The following TPPP variants were observed in gnomAD, a reference collection of about 807,000 sequenced individuals.
TPPP encodes tubulin polymerization-promoting protein.
A neutral mutation model predicts 15.5 loss-of-function variants in TPPP; 6 were observed. The ratio of observed to expected loss-of-function variants is 0.39; its 90% CI spans 0.21 to 0.77. The LOEUF (loss-of-function observed/expected upper bound fraction) is 0.77. Among genes scored for constraint, TPPP ranks in the 30% least tolerant of loss-of-function variants. TPPP has a pLI of 0.42. For missense variants in TPPP, 269 were observed against 307.2 expected (o/e 0.88, Z 0.93); for synonymous variants, 146 against 133.9 (o/e 1.09, Z -0.63).
the TPPP span, among the ~76,000 whole-genome samples, chr5:700,373 G>C: frequency 1.3e-5 from 2 of 151,956 alleles, no homozygotes; most frequent in Non-Finnish European, 2.9e-5. Context: ...AGTATAAGTG[G>C]GAGCTAAACA....
At chr5:667,870 C>T (rs71585295) in intron 2 of TPPP, among the ~76,000 whole-genome samples, 2 of 68,714 alleles carry the variant, frequency 2.9e-5, no homozygotes, top group African/African-American at 1.9e-4. Context: ...AGGGAAGTAC[C>T]GACAAGCACA....
intron 2 of TPPP, among the ~76,000 whole-genome samples, chr5:668,568 C>T (rs185885601): frequency 1.6e-4 from 25 of 152,344 alleles, no homozygotes; most frequent in South Asian, 2.1e-4. Context: ...GCCGGCACCT[C>T]GAGCTGAGCA....
At chr5:680,249 C>A (rs1189500499) in intron 1 of TPPP, among the ~76,000 whole-genome samples, 1 of 115,234 alleles carries the variant, frequency 8.7e-6, no homozygotes, top group African/African-American at 4.2e-5. Context: ...CGGTGGGGGC[C>A]GTGGGGGAGA....
At chr5:686,747 T>G (rs1740777624) in intron 1 of TPPP, among the ~76,000 whole-genome samples, 2 of 146,594 alleles carry the variant, frequency 1.4e-5, no homozygotes, top group Admixed American at 1.4e-4. Flanking sequence ...GAGAAGAAGG[T>G]GCTACAGGCT....
chr5:680,556 C>T (rs1010093032), intron 1 of TPPP, among the ~76,000 whole-genome samples: 16 of 148,004 alleles, frequency 1.1e-4, no homozygotes, highest in African/African-American at 3.5e-4. Context: ...AGTGAGTCCA[C>T]GGGCGCTTGG....
rs1168674436 is a variant in TPPP, at chr5:662,367, TGCTTGTCTGAG to T, written c.*2724_*2734del. ...GCGCTTGGCTCTTTTCTCGAGGCCG[TGCTTGTCTGAG>T]GCCAACCAGGGACCAGGAGGCAGCG... On this transcript the variant is annotated 3_prime_UTR_variant, in exon 4 of 4. Coordinates refer to ENST00000360578, the MANE Select transcript of TPPP (RefSeq NM_007030.3). 6.6e-6 allele frequency: 1 copy of T among 152,472 alleles called. No individual in the cohort carries two copies. Among genetic ancestry groups the T allele is most frequent in the East Asian group, 1.9e-4 (1 of 5,324 alleles). 9.4% of individuals were successfully genotyped at this position (152,472 alleles called of 1,614,324 possible). A position where few individuals can be genotyped will look rare whatever the true frequency, so the allele number is the denominator to read the frequency against.
chr5:684,118 C>T (rs1489762240), intron 1 of TPPP, among the ~76,000 whole-genome samples: 3 of 152,228 alleles, frequency 2.0e-5, no homozygotes, highest in Non-Finnish European at 4.4e-5. Flanking sequence ...CTCCTGAGGG[C>T]CTGATGGACC....
rs1739741007 is a variant in TPPP at position 663,171 on chromosome 5, G to A, written c.*1931C>T. The A allele has an allele frequency of 8.4e-6, 1 of 119,154 alleles. No homozygotes were observed. Among genetic ancestry groups the A allele is most frequent in the Non-Finnish European group, 2.1e-5 (1 of 47,702 alleles). 7.4% of individuals were successfully genotyped at this position (119,154 alleles called of 1,614,324 possible). A position where few individuals can be genotyped will look rare whatever the true frequency, so the allele number is the denominator to read the frequency against. ...CTGTGATCGGGTGAGTCCGATGACT[G>A]CTCGTCTGTGACCGGGCGATTCCGG... On this transcript the variant is annotated 3_prime_UTR_variant, in exon 4 of 4. Transcript: ENST00000360578.
At chr5:665,410 C>T in intron 3 of TPPP, 114 bp from the exon 4 acceptor site, 1 of 958,116 alleles carries the variant, frequency 1.0e-6, no homozygotes, top group Non-Finnish European at 1.5e-6. Flanking sequence ...GGGCAAGGGG[C>T]ATAAACCCTG....
At chr5:669,328 C>A (rs866424108) in intron 2 of TPPP, among the ~76,000 whole-genome samples, 1 of 152,052 alleles carries the variant, frequency 6.6e-6, no homozygotes, top group Non-Finnish European at 1.5e-5. Context: ...TGGGGGTCCG[C>A]GGTGTTGGGG....
chr5:671,513 C>A lies in TPPP; in HGVS notation c.312-5390G>T, dbSNP rs754472529. On this transcript the variant is annotated intron_variant, in intron 2 of 3. Transcript: ENST00000360578. ...AAATGACCTGTGTTGCCTGGTCAGG[C>A]TCATGGGGCAAAGTGGACAGCCAAG... Among the ~76,000 whole-genome samples the A allele has an allele frequency of 6.8e-4, 103 of 152,380 alleles. 1 individual carries two copies. Among genetic ancestry groups the A allele is most frequent in the Non-Finnish European group, 9.6e-4 (65 of 68,034 alleles).
At chr5:665,577 C>G (rs1170185977) in intron 3 of TPPP, among the ~76,000 whole-genome samples, 1 of 151,442 alleles carries the variant, frequency 6.6e-6, no homozygotes, top group Non-Finnish European at 1.5e-5. Context: ...AAGGGGCTGT[C>G]AGAACAGCCA....
chr5:699,681 C>T, the TPPP span, among the ~76,000 whole-genome samples: 7,649 of 143,360 alleles, frequency 0.053, no homozygotes, highest in Admixed American at 0.14. Flanking sequence ...AATAGACAAC[C>T]TGCAGAATGG....
upstream of TPPP, among the ~76,000 whole-genome samples, chr5:697,257 A>T (rs147378298): frequency 0.092 from 12,709 of 137,590 alleles, 912 homozygotes; most frequent in Non-Finnish European, 0.14. Flanking sequence ...CTGTTGCCAC[A>T]GGTCAGGGGC....
chr5:682,777 A>G lies in TPPP; in HGVS notation c.-4-4713T>C, dbSNP rs1235402392. 3.9e-5 allele frequency among the ~76,000 whole-genome samples: 6 copies of G among 152,360 alleles called. No individual in the cohort carries two copies. In the East Asian group the frequency reaches 7.7e-4, roughly 20 times the overall value. On this transcript the variant is annotated intron_variant, in intron 1 of 3. Transcript: ENST00000360578. ...CGCGGGGGTGGCGCCGACAGAGCCTACACGACTGCTCTCCATGTGGATGGC... is the reference window on the plus strand; with the variant it reads ...CGCGGGGGTGGCGCCGACAGAGCCTGCACGACTGCTCTCCATGTGGATGGC...
chr5:679,652 G>C (rs183409113), intron 1 of TPPP, among the ~76,000 whole-genome samples: 2 of 152,150 alleles, frequency 1.3e-5, no homozygotes, highest in African/African-American at 4.8e-5. Flanking sequence ...ACAGTGGTGG[G>C]TGTGCGGGTC....
In TPPP at chr5:664,118, C is replaced by CTGAGCCA. The variant is rs1396623078; in HGVS notation, c.*977_*983dup. ...GGGGGATTGGCCAGGAGAGGTTAGG[C>CTGAGCCA]TGAGCCATTTTGGGAGAGTTGAAGA... On this transcript the variant is annotated 3_prime_UTR_variant, in exon 4 of 4. Transcript: ENST00000360578. The CTGAGCCA allele has an allele frequency of 6.6e-6, 1 of 152,530 alleles. No homozygotes were observed. Among genetic ancestry groups the CTGAGCCA allele is most frequent in the African/African-American group, 2.4e-5 (1 of 41,460 alleles). The allele number at this position is 152,530 out of a possible 1,614,324, so 9.4% of individuals were successfully genotyped here.
chr5:679,873 T>C (rs1307491779), intron 1 of TPPP, among the ~76,000 whole-genome samples: 1 of 142,972 alleles, frequency 7.0e-6, no homozygotes, highest in Non-Finnish European at 1.5e-5. Context: ...TCCCAGCCCA[T>C]CAGCACGTGC....
At chr5:668,991 T>A (rs1740078082) in intron 2 of TPPP, among the ~76,000 whole-genome samples, 1 of 152,210 alleles carries the variant, frequency 6.6e-6, no homozygotes, top group South Asian at 2.1e-4. Flanking sequence ...CCATACACTT[T>A]ACACGCGTGT....
Sources: gnomAD v4.1 joint callset for allele counts (sites outside exome capture counted in the v4.1 genomes callset) on GRCh38, gnomAD v4.1.1 for gene constraint, MANE v1.5 for transcripts, NCBI Gene and HGNC (gene_info 2026-07-23, HGNC 2026-07-21) for gene names.